CRYAB: variants seen among roughly 807,000 people sequenced by gnomAD.
The protein encoded by CRYAB is crystallin alpha B, also known as alpha-crystallin B chain.
A neutral mutation model predicts 12.7 loss-of-function variants in CRYAB; 9 were observed. That is an observed-to-expected ratio of 0.71 (90% CI 0.43 to 1.24). The LOEUF is 1.24. Among genes scored for constraint, CRYAB ranks in the 50% most tolerant of loss-of-function variants. The pLI, the probability that CRYAB is intolerant of heterozygous loss-of-function variation, is 0.00. For synonymous variants in CRYAB, 93 were observed against 86.8 expected (o/e 1.07, Z -0.40); for missense variants, 183 against 226.6 (o/e 0.81, Z 1.24).
chr11:111,922,619 T>C (rs1555166628), intron 1 of CRYAB, among the ~76,000 whole-genome samples: 1 of 152,224 alleles, frequency 6.6e-6, no homozygotes, highest in East Asian at 1.9e-4. Flanking sequence ...TCCATGATGT[T>C]CGGTGTTCTT....
chr11:111,910,335 C>T lies in CRYAB; in HGVS notation c.316G>A (p.Glu106Lys). The T allele has an allele frequency of 6.2e-7, 1 of 1,614,226 alleles. No homozygotes were observed. The highest frequency in any genetic ancestry group is 2.2e-5 in the East Asian group (1 of 44,886). Residue 106 changes from glutamate (E) to lysine (K), a missense_variant, in exon 2 of 3, where the codon GAG becomes AAG. Around this residue, in one of 3 missense-constraint regions of CRYAB, gnomAD observed 95 missense variants for 112.5 expected, o/e 0.84. Transcript: ENST00000650687. Reference protein sequence around the residue: ...DVIEVHGKHEERQDEHGFISR... With the variant: ...DVIEVHGKHEKRQDEHGFISR... The stretch of plus-strand genomic sequence containing the variant: ...AAAAACAAGCTACATACCTGGCGCT[C>T]TTCATGTTTTCCATGCACCTCAATC...
Position 111,908,678 on chromosome 11 carries a change from A to T in CRYAB, c.*86T>A. On this transcript the variant is annotated 3_prime_UTR_variant, in exon 3 of 3. Coordinates refer to ENST00000650687, the MANE Select transcript of CRYAB (RefSeq NM_001289808.2). Reference sequence around the variant, plus strand: ...ATAATTTGGGCCTGCCCTTAGCATTAATAAGCTTCAGCACTAGTCACAAGA... The same window carrying T: ...ATAATTTGGGCCTGCCCTTAGCATTTATAAGCTTCAGCACTAGTCACAAGA... The T allele has an allele frequency of 7.4e-7, 1 of 1,342,856 alleles. No homozygotes were observed. Among genetic ancestry groups the T allele is most frequent in the Non-Finnish European group, 1.1e-6 (1 of 938,122 alleles). 83.2% of individuals were successfully genotyped at this position (1,342,856 alleles called of 1,614,324 possible). A position where few individuals can be genotyped will look rare whatever the true frequency, so the allele number is the denominator to read the frequency against.
chr11:111,912,064 A>G, upstream of CRYAB: 1 of 279,488 alleles, frequency 3.6e-6, no homozygotes. Context: ...AATCCCAAGC[A>G]GGCACGCGGG....
upstream of CRYAB, chr11:111,912,628 C>G: frequency 6.7e-6 from 4 of 595,744 alleles, no homozygotes; most frequent in South Asian, 7.8e-5. Flanking sequence ...GGGGTCCGGG[C>G]GGCGCTGGTC....
chr11:111,909,075 T>C, intron 2 of CRYAB, 108 bp from the exon 3 acceptor site: 1 of 1,102,410 alleles, frequency 9.1e-7, no homozygotes, highest in South Asian at 1.3e-5. Context: ...CCAAATGCCA[T>C]GACAACATAG....
At chr11:111,910,502 G>A in intron 1 of CRYAB, 53 bp from the exon 2 acceptor site, 1 of 1,603,536 alleles carries the variant, frequency 6.2e-7, no homozygotes, top group Non-Finnish European at 8.5e-7. Context: ...CAAAAATACT[G>A]ATTACACAGG....
chr11:111,919,056 A>G (rs1193569929), intron 1 of CRYAB: 1 of 1,604,130 alleles, frequency 6.2e-7, no homozygotes, highest in African/African-American at 1.3e-5. Context: ...TGGTGGATGT[A>G]GAGGCCCCGA....
At chr11:111,917,087 C>T (rs1965606552), upstream of CRYAB, among the ~76,000 whole-genome samples, 1 of 152,154 alleles carries the variant, frequency 6.6e-6, no homozygotes, top group Admixed American at 6.5e-5. Flanking sequence ...TGATCTTGAA[C>T]TCCTGGGCTC....
At chr11:111,911,467 G>C in intron 1 of CRYAB, 57 bp downstream of exon 1, 1 of 1,536,346 alleles carries the variant, frequency 6.5e-7, no homozygotes, top group East Asian at 2.3e-5. Flanking sequence ...AATGGATGGA[G>C]AAGTTTCCAG....
Position 111,911,551 on chromosome 11 carries a change from G to T in CRYAB, c.174C>A (p.Pro58=), listed in dbSNP as rs782151852. ...YLRPPSFLRA[P]SWFDTGLSEM... The stretch of plus-strand genomic sequence containing the variant: ...CTGAGAGTCCAGTGTCAAACCAGCT[G>T]GGTGCCCGCAGGAAGGAGGGTGGCC... Residue 58 remains proline (P), a synonymous_variant, in exon 1 of 3, where the codon CCC becomes CCA. Transcript: ENST00000650687. 1.8e-5 allele frequency: 29 copies of T among 1,612,362 alleles called. No individual in the cohort carries two copies. In the Admixed American group the frequency reaches 4.7e-4, roughly 26 times the overall value.
chr11:111,917,108 C>G (rs1444219559), upstream of CRYAB, among the ~76,000 whole-genome samples: 1 of 152,184 alleles, frequency 6.6e-6, no homozygotes, highest in Admixed American at 6.5e-5. Flanking sequence ...AAGCGATCCT[C>G]TTGCCTCAGT....
chr11:111,914,714 A>G (rs1965570613), upstream of CRYAB, among the ~76,000 whole-genome samples: 1 of 152,156 alleles, frequency 6.6e-6, no homozygotes, highest in South Asian at 2.1e-4. Context: ...AGTGTCCAAA[A>G]GACCTTCCTG....
At chr11:111,922,339 A>G (rs1318131969) in intron 1 of CRYAB, among the ~76,000 whole-genome samples, 1 of 152,190 alleles carries the variant, frequency 6.6e-6, no homozygotes, top group Non-Finnish European at 1.5e-5. Context: ...TTGTTATCTC[A>G]ATAAACCTCC....
In CRYAB at chr11:111,908,699, C is replaced by T; in HGVS notation, c.*65G>A. Reference sequence around the variant, plus strand: ...CATTAATAAGCTTCAGCACTAGTCACAAGACTTTCATTCACTGGTGGGGAA... The same window carrying T: ...CATTAATAAGCTTCAGCACTAGTCATAAGACTTTCATTCACTGGTGGGGAA... On this transcript the variant is annotated 3_prime_UTR_variant, in exon 3 of 3. Coordinates refer to ENST00000650687, the MANE Select transcript of CRYAB (RefSeq NM_001289808.2). The T allele has an allele frequency of 6.5e-7, 1 of 1,542,100 alleles. No individual in the cohort carries two copies. Among genetic ancestry groups the T allele is most frequent in the East Asian group, 2.2e-5 (1 of 44,544 alleles).
intron 1 of CRYAB, among the ~76,000 whole-genome samples, chr11:111,921,838 A>AT (rs34183951): frequency 0.019 from 2,866 of 148,164 alleles, 42 homozygotes; most frequent in Middle Eastern, 0.063. Flanking sequence ...TATCATACTC[A>AT]TTTTTTTTTT....
upstream of CRYAB, chr11:111,913,270 T>C: frequency 1.7e-6 from 1 of 589,406 alleles, no homozygotes. Context: ...CTCTTTCCCC[T>C]CTTCCGAGCT....
intron 1 of CRYAB, 26 bp downstream of exon 1, chr11:111,911,498 C>T (rs1965451152): frequency 1.9e-6 from 3 of 1,592,060 alleles, no homozygotes; most frequent in Admixed American, 3.6e-5. Flanking sequence ...TAAGGACTCT[C>T]CCGTCCTAGC....
At chr11:111,921,386 T>C (rs1965696491) in intron 1 of CRYAB, among the ~76,000 whole-genome samples, 1 of 152,224 alleles carries the variant, frequency 6.6e-6, no homozygotes, top group Admixed American at 6.5e-5. Flanking sequence ...ATACATGGCA[T>C]ATCCAATTAA....
chr11:111,911,419 C>A (rs1035012668), intron 1 of CRYAB, 105 bp downstream of exon 1: 112 of 1,153,368 alleles, frequency 9.7e-5, no homozygotes, highest in Middle Eastern at 2.5e-4. Context: ...TTTGGACACA[C>A]ATGTGCCTAA....
Sources: gnomAD v4.1 joint callset for allele counts (sites outside exome capture counted in the v4.1 genomes callset) on GRCh38, gnomAD v4.1.1 for gene constraint, gnomAD v4.1.1 regional missense constraint, MANE v1.5 for transcripts, NCBI Gene and HGNC (gene_info 2026-07-23, HGNC 2026-07-21) for gene names.